The following COLEC10 variants were observed in gnomAD, a reference collection of about 807,000 sequenced individuals.
COLEC10 encodes the protein collectin subfamily member 10.
A neutral mutation model predicts 28.4 loss-of-function variants in COLEC10; 22 were observed. That is an observed-to-expected ratio of 0.78 (90% CI 0.55 to 1.11). COLEC10 has a LOEUF of 1.11. Among genes scored for constraint, COLEC10 ranks in the 50% least tolerant of loss-of-function variants. The pLI is 0.00. For missense variants in COLEC10, 361 were observed against 344.1 expected, an observed-to-expected ratio of 1.05 and a Z score of -0.39; for synonymous variants, 125 against 116.1, an observed-to-expected ratio of 1.08 and a Z score of -0.49.
At chr8:119,064,377 A>G (rs759426396), upstream of COLEC10, among the ~76,000 whole-genome samples, 7 of 152,214 alleles carry the variant, frequency 4.6e-5, no homozygotes, top group Non-Finnish European at 8.8e-5. Flanking sequence ...GTTAATTTCT[A>G]TATATAAATG....
chr8:118,976,580 C>T, the COLEC10 span: 1 of 152,296 alleles, frequency 6.6e-6, no homozygotes. Flanking sequence ...GGCCCCTGTG[C>T]AAGGATGACA....
At chr8:119,001,601 T>C (rs1563712958) in intron 1 of COLEC10, among the ~76,000 whole-genome samples, 1 of 152,266 alleles carries the variant, frequency 6.6e-6, no homozygotes, top group East Asian at 1.9e-4. Flanking sequence ...AATTAGACAG[T>C]GCTACTTGAT....
intron 2 of COLEC10, among the ~76,000 whole-genome samples, chr8:119,017,658 A>G (rs986616864): frequency 5.9e-5 from 9 of 152,112 alleles, no homozygotes; most frequent in Admixed American, 3.3e-4. Flanking sequence ...ACCCCTTCGG[A>G]GCTCCTACAT....
chr8:118,972,528 G>A, the COLEC10 span, among the ~76,000 whole-genome samples: 1 of 151,836 alleles, frequency 6.6e-6, no homozygotes, highest in African/African-American at 2.4e-5. Context: ...GTCAATCCAA[G>A]GTAGACCTCC....
At chr8:118,999,909 G>GT (rs60373739) in intron 1 of COLEC10, among the ~76,000 whole-genome samples, 14 of 151,600 alleles carry the variant, frequency 9.2e-5, no homozygotes, top group Non-Finnish European at 1.6e-4. Context: ...TCTTTAAAGA[G>GT]TTTTTTTGTA....
intron 3 of COLEC10, among the ~76,000 whole-genome samples, chr8:119,096,588 C>G (rs1478547605): frequency 1.3e-5 from 2 of 151,742 alleles, no homozygotes; most frequent in African/African-American, 4.8e-5. Flanking sequence ...GAGACTGCAT[C>G]TCAAAAATAA....
At chr8:119,039,751 G>A (rs141135520) in intron 2 of COLEC10, among the ~76,000 whole-genome samples, 3 of 152,242 alleles carry the variant, frequency 2.0e-5, no homozygotes, top group Non-Finnish European at 2.9e-5. Flanking sequence ...TTGCATGTCC[G>A]TTTCTTCATC....
chr8:119,033,388 T>C (rs543681274), intron 2 of COLEC10, among the ~76,000 whole-genome samples: 23 of 152,206 alleles, frequency 1.5e-4, no homozygotes, highest in African/African-American at 5.5e-4. Context: ...ACAGCCAAAA[T>C]TGACAAATGG....
At chr8:118,999,167 TATTA>T (rs1466051795) in intron 1 of COLEC10, among the ~76,000 whole-genome samples, 1 of 152,202 alleles carries the variant, frequency 6.6e-6, no homozygotes, top group Non-Finnish European at 1.5e-5. Context: ...ATTTATTTGT[TATTA>T]ATTTCTAATT....
At chr8:119,089,842 A>G (rs1209370777) in intron 2 of COLEC10, 91 bp downstream of exon 2, 6 of 991,566 alleles carry the variant, frequency 6.1e-6, no homozygotes, top group Non-Finnish European at 9.4e-6. Context: ...CAGCTTTCAT[A>G]ATGCCCTCTG....
At chr8:119,091,554 CGAAA>C (rs768498797) in intron 3 of COLEC10, among the ~76,000 whole-genome samples, 3 of 130,808 alleles carry the variant, frequency 2.3e-5, no homozygotes, top group Non-Finnish European at 3.2e-5. Flanking sequence ...GACCCTGTCT[CGAAA>C]GAAAGAAAGA....
At chr8:119,057,046 C>T (rs1184436215) in intron 2 of COLEC10, among the ~76,000 whole-genome samples, 1 of 152,034 alleles carries the variant, frequency 6.6e-6, no homozygotes, top group Non-Finnish European at 1.5e-5. Context: ...TTTCTAAAAT[C>T]CTGCTGATAT....
intron 3 of COLEC10, among the ~76,000 whole-genome samples, chr8:119,094,209 A>G (rs2130289179): frequency 6.6e-6 from 1 of 152,242 alleles, no homozygotes; most frequent in Admixed American, 6.5e-5. Flanking sequence ...GGCTGTGGAA[A>G]AGAAGCAATG....
In COLEC10 at chr8:119,011,048, G is replaced by A. The variant is rs1813892570; in HGVS notation, n.235+1495G>A. Among the ~76,000 whole-genome samples, 3 of 150,804 alleles carry A rather than the reference G, an allele frequency of 2.0e-5. No homozygotes were observed. The South Asian group carries it at 6.2e-4, about 31-fold the overall frequency. On this transcript the variant is annotated intron_variant and non_coding_transcript_variant, in intron 2 of 6. Coordinates refer to the COLEC10 transcript ENST00000521788. ...TTTCATGGATTTTGGCTTTGGTGTT[G>A]TAGCAAAAAGATCATCACCAAACCT...
intron 2 of COLEC10, among the ~76,000 whole-genome samples, chr8:119,018,904 C>A (rs1011629335): frequency 6.6e-6 from 1 of 152,216 alleles, no homozygotes; most frequent in Non-Finnish European, 1.5e-5. Flanking sequence ...TCTTCCATAA[C>A]TGGTCACAGT....
chr8:119,031,519 A>G (rs12677466), intron 2 of COLEC10, among the ~76,000 whole-genome samples: 1 of 152,176 alleles, frequency 6.6e-6, no homozygotes, highest in African/African-American at 2.4e-5. Flanking sequence ...GTTAATTACC[A>G]AATAAGATAG....
chr8:119,086,289 A>G (rs1165412629), intron 1 of COLEC10, among the ~76,000 whole-genome samples: 1 of 152,218 alleles, frequency 6.6e-6, no homozygotes, highest in Non-Finnish European at 1.5e-5. Context: ...TAATTTTCAA[A>G]TACAAGTGGC....
the COLEC10 span, among the ~76,000 whole-genome samples, chr8:118,964,821 C>T: frequency 4.6e-5 from 7 of 152,160 alleles, no homozygotes; most frequent in Non-Finnish European, 8.8e-5. Flanking sequence ...ACAGATGGTA[C>T]AAGCGGTCAC....
In COLEC10 at chr8:119,012,462, T is replaced by C. The variant is rs145421063; in HGVS notation, n.235+2909T>C. On this transcript the variant is annotated intron_variant and non_coding_transcript_variant, in intron 2 of 6. Coordinates refer to the COLEC10 transcript ENST00000521788. ...TAAGGTCTTGGTCTGGTTTTAGTGT[T>C]AGGGTAATGCTAGCCTTATATAATG... 3.0e-3 allele frequency among the ~76,000 whole-genome samples: 447 copies of C among 150,700 alleles called. 6 individuals are homozygous for C. The highest frequency in any genetic ancestry group is 0.022 in the South Asian group (105 of 4,802).
Sources: gnomAD v4.1 joint callset for allele counts (sites outside exome capture counted in the v4.1 genomes callset) on GRCh38, gnomAD v4.1.1 for gene constraint, MANE v1.5 for transcripts, NCBI Gene and HGNC (gene_info 2026-07-23, HGNC 2026-07-21) for gene names.